FAIM: variants seen among roughly 807,000 people sequenced by gnomAD.
FAIM encodes the protein Fas apoptotic inhibitory molecule, also known as fas apoptotic inhibitory molecule 1.
FAIM carries 14 observed loss-of-function variants against 21.2 expected under a neutral mutation model. That is an observed-to-expected ratio of 0.66 (90% CI 0.44 to 1.03). The LOEUF is 1.03. FAIM is among the 50% of genes least tolerant of loss of function. The probability of loss-of-function intolerance (pLI) is 0.00; values close to 1 mark genes in which losing one functional copy is unlikely to be tolerated. For missense variants in FAIM, 222 were observed against 247.1 expected, an observed-to-expected ratio of 0.90 and a Z score of 0.68; for synonymous variants, 86 against 80.4, an observed-to-expected ratio of 1.07 and a Z score of -0.37.
rs1237199328 is a variant in FAIM at position 138,608,943 on chromosome 3, G to A, written c.-17+6G>A. 6.5e-6 allele frequency: 1 copy of A among 153,002 alleles called. No homozygotes were observed. The highest frequency in any genetic ancestry group is 1.9e-4 in the East Asian group (1 of 5,210). The allele number at this position is 153,002 out of a possible 1,614,324, so 9.5% of individuals were successfully genotyped here. A position where few individuals can be genotyped will look rare whatever the true frequency, so the allele number is the denominator to read the frequency against. The stretch of plus-strand genomic sequence containing the variant: ...CCGCGGCCCACAGAGCACAGGTGAG[G>A]CAGCAGACCGGGTGGGGTCGGTGTC... On this transcript the variant is annotated splice_donor_region_variant and intron_variant, in intron 1 of 5. Transcript: ENST00000360570.
intron 4 of FAIM, among the ~76,000 whole-genome samples, chr3:138,625,476 AT>A (rs1192506178): frequency 2.0e-5 from 3 of 147,366 alleles, no homozygotes; most frequent in Non-Finnish European, 3.0e-5. Context: ...AAAAAAAAAA[AT>A]TGATAATAAT....
chr3:138,621,601 G>A (rs966171203), intron 3 of FAIM, 62 bp downstream of exon 3: 6 of 1,490,038 alleles, frequency 4.0e-6, no homozygotes, highest in Non-Finnish European at 5.5e-6. Flanking sequence ...TTTTGTTAAA[G>A]TAGCATCTTC....
chr3:138,616,102 G>GGAGGGATA (rs2042823226), intron 1 of FAIM, among the ~76,000 whole-genome samples: 1 of 152,162 alleles, frequency 6.6e-6, no homozygotes, highest in South Asian at 2.1e-4. Context: ...GATGGCACTT[G>GGAGGGATA]GAGGGATATG....
intron 1 of FAIM, among the ~76,000 whole-genome samples, chr3:138,617,263 A>G (rs1438335249): frequency 6.6e-6 from 1 of 151,458 alleles, no homozygotes; most frequent in Non-Finnish European, 1.5e-5. Context: ...AACTTTCTAG[A>G]GTCTCTGAAA....
chr3:138,617,735 G>A (rs977502295), intron 1 of FAIM, among the ~76,000 whole-genome samples: 8 of 139,910 alleles, frequency 5.7e-5, no homozygotes, highest in Non-Finnish European at 9.2e-5. Context: ...GTGTATATAC[G>A]TGTGTGTGTA....
At chr3:138,627,988 T>C (rs981766617) in intron 4 of FAIM, among the ~76,000 whole-genome samples, 3 of 152,152 alleles carry the variant, frequency 2.0e-5, no homozygotes, top group Admixed American at 2.0e-4. Flanking sequence ...TTCTTCACTG[T>C]AATACCCAAA....
At chr3:138,616,645 C>T (rs1465192249) in intron 1 of FAIM, among the ~76,000 whole-genome samples, 1 of 152,106 alleles carries the variant, frequency 6.6e-6, no homozygotes, top group African/African-American at 2.4e-5. Context: ...AGGGATGAGC[C>T]ACCATGCACA....
At chr3:138,629,416 A>ATATCAAGTAAAATACC (rs1553876304) in intron 5 of FAIM, 3 of 288,648 alleles carry the variant, frequency 1.0e-5, no homozygotes, top group Non-Finnish European at 1.9e-5. Flanking sequence ...AGGCTCCAGC[A>ATATCAAGTAAAATACC]TAGCAAGTAA....
At chr3:138,627,100 T>C (rs2042947036) in intron 4 of FAIM, among the ~76,000 whole-genome samples, 1 of 152,158 alleles carries the variant, frequency 6.6e-6, no homozygotes, top group Non-Finnish European at 1.5e-5. Flanking sequence ...GAGTTTGACA[T>C]ATTTTTTTCA....
intron 1 of FAIM, among the ~76,000 whole-genome samples, chr3:138,617,209 A>T (rs1004574481): frequency 2.0e-5 from 3 of 151,688 alleles, no homozygotes; most frequent in African/African-American, 7.3e-5. Context: ...TCCTTATAAT[A>T]GAAAACAGAG....
At chr3:138,620,761 T>C (rs1011278454) in intron 2 of FAIM, among the ~76,000 whole-genome samples, 10 of 152,222 alleles carry the variant, frequency 6.6e-5, no homozygotes, top group African/African-American at 2.2e-4. Flanking sequence ...AGTGCTAGGA[T>C]TACAGGCATG....
At chr3:138,609,539 T>A (rs908977112) in intron 1 of FAIM, among the ~76,000 whole-genome samples, 1 of 10,298 alleles carries the variant, frequency 9.7e-5, no homozygotes, top group Non-Finnish European at 2.0e-4. Flanking sequence ...TGAAACTCTC[T>A]CTCTCTCTCT....
intron 1 of FAIM, among the ~76,000 whole-genome samples, chr3:138,610,349 A>C (rs1005984046): frequency 7.2e-5 from 11 of 152,194 alleles, no homozygotes; most frequent in African/African-American, 2.7e-4. Flanking sequence ...TGAGATACGC[A>C]AAAAGCTTTC....
At chr3:138,617,970 G>A (rs990284712) in intron 1 of FAIM, among the ~76,000 whole-genome samples, 1 of 140,268 alleles carries the variant, frequency 7.1e-6, no homozygotes, top group Non-Finnish European at 1.5e-5. Context: ...ATTATATATA[G>A]TATATATATA....
At chr3:138,617,517 C>A (rs1171913584) in intron 1 of FAIM, among the ~76,000 whole-genome samples, 1 of 146,306 alleles carries the variant, frequency 6.8e-6, no homozygotes. Flanking sequence ...ATATGTATAT[C>A]TATATATATC....
At chr3:138,612,583 T>C (rs931592715) in intron 1 of FAIM, among the ~76,000 whole-genome samples, 9 of 152,160 alleles carry the variant, frequency 5.9e-5, no homozygotes, top group Non-Finnish European at 1.2e-4. Context: ...TTTATTCTTA[T>C]GTTGATGGAC....
chr3:138,619,613 A>C (rs1028670543), intron 1 of FAIM, 98 bp from the exon 2 acceptor site: 1 of 1,068,286 alleles, frequency 9.4e-7, no homozygotes, highest in African/African-American at 1.6e-5. Flanking sequence ...TGGATTGCAA[A>C]ATTAGAAAAA....
At chr3:138,626,651 G>A (rs577953428) in intron 4 of FAIM, among the ~76,000 whole-genome samples, 60 of 152,298 alleles carry the variant, frequency 3.9e-4, no homozygotes, top group African/African-American at 1.4e-3. Flanking sequence ...TGCATGAATA[G>A]CTTTGTTTGC....
In FAIM at chr3:138,619,712, C is replaced by G; in HGVS notation, c.-15C>G. ...TCCTGGCTGCTAATTGGATTAAAGA[C>G]TGTTTTTGCCAACCATGGCATCTGG... On this transcript the variant is annotated splice_region_variant and 5_prime_UTR_variant, in exon 2 of 6. Transcript: ENST00000360570. The G allele has an allele frequency of 6.2e-7, 1 of 1,612,778 alleles. No homozygotes were observed. Among genetic ancestry groups the G allele is most frequent in the Admixed American group, 1.7e-5 (1 of 59,668 alleles).
Sources: allele counts gnomAD v4.1 joint callset (sites outside exome capture counted in the v4.1 genomes callset), GRCh38; gene constraint gnomAD v4.1.1; transcripts MANE v1.5; gene names NCBI Gene and HGNC (gene_info 2026-07-23, HGNC 2026-07-21).